Variants in SDHC observed in about 807,000 individuals in gnomAD.
SDHC encodes succinate dehydrogenase cytochrome b560 subunit, mitochondrial.
In SDHC, 11 loss-of-function variants were observed where a neutral mutation model predicts 22.6. The observed-to-expected ratio is 0.49, with a 90% CI of 0.31 to 0.81. SDHC has a LOEUF of 0.81. Among genes scored for constraint, SDHC ranks in the 30% least tolerant of loss-of-function variants. The probability of loss-of-function intolerance (pLI) is 0.05; values close to 1 mark genes in which losing one functional copy is unlikely to be tolerated. For synonymous variants in SDHC, 80 were observed against 77.8 expected, an observed-to-expected ratio of 1.03 and a Z score of -0.15; for missense variants, 160 against 212.0, an observed-to-expected ratio of 0.75 and a Z score of 1.52.
In SDHC at chr1:161,340,594, T is replaced by C. The variant is rs752482067; in HGVS notation, c.180T>C (p.Ser60=). 6.2e-7 allele frequency: 1 copy of C among 1,613,580 alleles called. No individual in the cohort carries two copies. The highest frequency in any genetic ancestry group is 1.1e-5 in the South Asian group (1 of 91,084). The change falls in exon 4 of 6, where the codon AGT becomes AGC. Residue 60 remains serine (S), a splice_region_variant and synonymous_variant. Coordinates refer to ENST00000367975, the MANE Select transcript of SDHC (RefSeq NM_003001.5). ...RPLSPHITIY[S]WSLPMAMSIC... Reference sequence around the variant, plus strand: ...ATTGTCTTTGTGTGTTTCTTTACAGTTGGTCTCTTCCCATGGCGATGTCCA... The same window carrying C: ...ATTGTCTTTGTGTGTTTCTTTACAGCTGGTCTCTTCCCATGGCGATGTCCA...
chr1:161,326,351 C>T (rs1396172821), intron 2 of SDHC, among the ~76,000 whole-genome samples: 5 of 152,010 alleles, frequency 3.3e-5, no homozygotes, highest in East Asian at 3.9e-4. Context: ...ATACTGTTAC[C>T]GGAAAAGGGG....
chr1:161,342,594 A>T (rs768287371), intron 4 of SDHC, among the ~76,000 whole-genome samples: 1 of 150,346 alleles, frequency 6.7e-6, no homozygotes, highest in Non-Finnish European at 1.5e-5. Context: ...CTGCAACCTC[A>T]TGAGACCAGC....
chr1:161,317,801 TC>T (rs1670682719), intron 1 of SDHC, among the ~76,000 whole-genome samples: 1 of 151,196 alleles, frequency 6.6e-6, no homozygotes, highest in Non-Finnish European at 1.5e-5. Flanking sequence ...CCTCAGGTGA[TC>T]CACCTGAGCC....
At chr1:161,352,182 CAG>C (rs1483043843) in intron 4 of SDHC, among the ~76,000 whole-genome samples, 5 of 152,178 alleles carry the variant, frequency 3.3e-5, no homozygotes, top group African/African-American at 9.7e-5. Flanking sequence ...TACTGAACAT[CAG>C]AGGAGAATTC....
chr1:161,362,260 T>G, intron 5 of SDHC, 69 bp from the exon 6 acceptor site: 1 of 1,543,318 alleles, frequency 6.5e-7, no homozygotes, highest in Non-Finnish European at 8.8e-7. Context: ...TAGAATTACT[T>G]TCTGAGACAG....
intron 3 of SDHC, among the ~76,000 whole-genome samples, chr1:161,336,806 C>T (rs955600114): frequency 6.6e-6 from 1 of 152,074 alleles, no homozygotes; most frequent in Non-Finnish European, 1.5e-5. Flanking sequence ...TTTTCATGTA[C>T]TTATTGGCCA....
At chr1:161,314,563 G>C in intron 1 of SDHC, 138 bp downstream of exon 1, 1 of 1,012,106 alleles carries the variant, frequency 9.9e-7, no homozygotes, top group South Asian at 1.4e-5. Flanking sequence ...AGCGCTCGGG[G>C]ATCCTAGAGA....
At chr1:161,353,774 G>A (rs773032211) in intron 4 of SDHC, among the ~76,000 whole-genome samples, 59 of 152,118 alleles carry the variant, frequency 3.9e-4, no homozygotes, top group Non-Finnish European at 6.5e-4. Flanking sequence ...CTTGAGCCCA[G>A]GAGTTAGAGA....
intron 4 of SDHC, among the ~76,000 whole-genome samples, chr1:161,342,158 A>G (rs1274986934): frequency 3.3e-5 from 5 of 152,218 alleles, no homozygotes; most frequent in Non-Finnish European, 7.3e-5. Flanking sequence ...TATTCAGTTC[A>G]GTGGGAGCCA....
intron 3 of SDHC, among the ~76,000 whole-genome samples, chr1:161,333,639 T>G (rs183463500): frequency 6.6e-6 from 1 of 152,270 alleles, no homozygotes; most frequent in Non-Finnish European, 1.5e-5. Context: ...CTTGACCTCA[T>G]GATCCACCTG....
intron 3 of SDHC, among the ~76,000 whole-genome samples, chr1:161,333,520 T>C (rs1183266513): frequency 6.6e-6 from 1 of 151,422 alleles, no homozygotes; most frequent in Non-Finnish European, 1.5e-5. Context: ...TATTCCTGCC[T>C]CAGCCCCCAA....
chr1:161,344,370 G>A (rs1671824140), intron 4 of SDHC, among the ~76,000 whole-genome samples: 1 of 151,948 alleles, frequency 6.6e-6, no homozygotes, highest in Non-Finnish European at 1.5e-5. Context: ...GCTGATGTAG[G>A]GAGGATTGCC....
At position 161,323,640 on chromosome 1, in the gene SDHC, C is replaced by A. The variant is rs1558164567; in HGVS notation, c.47C>A (p.Ala16Asp). The change falls in exon 2 of 6, where the codon GCC (alanine) becomes GAC (aspartate). Residue 16 changes from alanine to aspartate, a missense_variant. By Grantham distance (126) the Ala-to-Asp change is moderately radical. This residue lies in a region of SDHC where 86 missense variants were observed against 83.4 expected (regional missense o/e 1.03). Coordinates refer to ENST00000367975, the MANE Select transcript of SDHC (RefSeq NM_003001.5). ...CACGTTGGTCGTCATTGCCTCCGAG[C>A]CCACTTTAGCCCTCAGCTCTGTATC... is the stretch of plus-strand genomic sequence containing the variant. ...LRHVGRHCLR[A>D]HFSPQLCIRN... 1 of 1,613,364 alleles carries A rather than the reference C, an allele frequency of 6.2e-7. No homozygotes were observed. Among genetic ancestry groups the A allele is most frequent in the East Asian group, 2.2e-5 (1 of 44,872 alleles).
intron 4 of SDHC, among the ~76,000 whole-genome samples, chr1:161,353,706 G>T (rs1026541620): frequency 2.0e-5 from 3 of 151,976 alleles, no homozygotes; most frequent in East Asian, 3.9e-4. Context: ...ACATAGGCTG[G>T]GCACAGTGGC....
intron 3 of SDHC, 31 bp downstream of exon 3, chr1:161,328,528 A>G: frequency 2.0e-6 from 3 of 1,471,036 alleles, no homozygotes; most frequent in Non-Finnish European, 2.9e-6. Flanking sequence ...CAGAGAATCT[A>G]GAGGTAGTGG....
rs878854587 is a variant in SDHC, at chr1:161,323,666, A to G, written c.73A>G (p.Arg25Gly). 1.2e-6 allele frequency: 2 copies of G among 1,610,360 alleles called. No homozygotes were observed. Among genetic ancestry groups the G allele is most frequent in the Non-Finnish European group, 1.7e-6 (2 of 1,177,294 alleles). The stretch of plus-strand genomic sequence containing the variant: ...CCACTTTAGCCCTCAGCTCTGTATC[A>G]GAAAGTAAGTTTCTAAGTCTGGAGA... The part of the protein sequence containing the change: ...RAHFSPQLCI[R>G]NAVPLGTTAK... Residue 25 changes from arginine (R) to glycine (G), a missense_variant, in exon 2 of 6, where the codon AGA (arginine) becomes GGA (glycine). Transcript: ENST00000367975.
chr1:161,361,703 C>A (rs749836044), intron 5 of SDHC, among the ~76,000 whole-genome samples: 2 of 152,036 alleles, frequency 1.3e-5, no homozygotes, highest in Non-Finnish European at 2.9e-5. Flanking sequence ...ATTAGCCAGG[C>A]GTGGTGGCGT....
chr1:161,332,007 C>T (rs1275980575), intron 3 of SDHC, among the ~76,000 whole-genome samples: 1 of 152,118 alleles, frequency 6.6e-6, no homozygotes, highest in East Asian at 1.9e-4. Flanking sequence ...CAGGGTTTCA[C>T]TGTGCCACCC....
In SDHC at chr1:161,340,573, T is replaced by A. The variant is rs960691989; in HGVS notation, c.180-21T>A. On this transcript the variant is annotated intron_variant, in intron 3 of 5. Coordinates refer to ENST00000367975, the MANE Select transcript of SDHC (RefSeq NM_003001.5). ...TGTCATCTTTTCCTTTTTAAAATTGTCTTTGTGTGTTTCTTTACAGTTGGT... is the reference window on the plus strand; with the variant it reads ...TGTCATCTTTTCCTTTTTAAAATTGACTTTGTGTGTTTCTTTACAGTTGGT... 3 of 1,609,784 alleles carry A rather than the reference T, an allele frequency of 1.9e-6. No individual in the cohort carries two copies. The African/African-American group carries it at 4.0e-5, about 22-fold the overall frequency.
Sources: allele counts gnomAD v4.1 joint callset (sites outside exome capture counted in the v4.1 genomes callset), GRCh38; gene constraint gnomAD v4.1.1; regional missense constraint gnomAD v4.1.1; transcripts MANE v1.5; gene names NCBI Gene and HGNC (gene_info 2026-07-23, HGNC 2026-07-21).